The following WHRN variants were observed in gnomAD, a reference collection of about 807,000 sequenced individuals.
WHRN encodes whirlin, also known as CASK-interacting protein CIP98.
In WHRN, 41 loss-of-function variants were observed where a neutral mutation model predicts 68.3. The ratio of observed to expected loss-of-function variants is 0.60; its 90% CI spans 0.47 to 0.78. The LOEUF (loss-of-function observed/expected upper bound fraction) is 0.78, where lower values mean the gene tolerates loss of function less well. Ranked by LOEUF, WHRN falls within the 30% of genes least tolerant of loss-of-function variation. The probability of loss-of-function intolerance (pLI) is 0.00; values close to 1 mark genes in which losing one functional copy is unlikely to be tolerated. For synonymous variants in WHRN, 560 were observed against 561.3 expected, an observed-to-expected ratio of 1.00 and a Z score of 0.03; for missense variants, 1,243 against 1,244.7, an observed-to-expected ratio of 1.00 and a Z score of 0.02.
At chr9:114,479,089 C>T (rs902648357) in intron 1 of WHRN, among the ~76,000 whole-genome samples, 7 of 152,306 alleles carry the variant, frequency 4.6e-5, no homozygotes, top group East Asian at 1.9e-4. Context: ...GCTGGCATCT[C>T]GGAACTTGGA....
At chr9:114,466,971 G>A (rs774389496) in intron 2 of WHRN, among the ~76,000 whole-genome samples, 162 of 150,358 alleles carry the variant, frequency 1.1e-3, no homozygotes, top group Non-Finnish European at 2.1e-3. Context: ...GTCTCCCCAA[G>A]GGTCTCCTGC....
chr9:114,432,361 A>G (rs1162777568), intron 3 of WHRN, among the ~76,000 whole-genome samples: 1 of 152,236 alleles, frequency 6.6e-6, no homozygotes. Flanking sequence ...AACAGCGGAA[A>G]CACTCAGTGG....
chr9:114,433,911 G>A (rs1428802360), intron 3 of WHRN, among the ~76,000 whole-genome samples: 1 of 152,160 alleles, frequency 6.6e-6, no homozygotes, highest in Non-Finnish European at 1.5e-5. Flanking sequence ...TCTGACATTG[G>A]CAGATCCGTT....
At chr9:114,426,180 C>G (rs1454062021) in intron 4 of WHRN, 31 bp downstream of exon 4, 1 of 1,611,552 alleles carries the variant, frequency 6.2e-7, no homozygotes, top group Admixed American at 1.7e-5. Flanking sequence ...GCCCTGGGGT[C>G]TGGAGATTGG....
At chr9:114,464,515 T>C (rs991734995) in intron 3 of WHRN, among the ~76,000 whole-genome samples, 1 of 152,120 alleles carries the variant, frequency 6.6e-6, no homozygotes, top group Non-Finnish European at 1.5e-5. Context: ...AGGGCACTAA[T>C]CCCATTCGTG....
intron 3 of WHRN, among the ~76,000 whole-genome samples, chr9:114,458,392 A>G (rs1256722534): frequency 6.6e-6 from 1 of 152,208 alleles, no homozygotes; most frequent in Non-Finnish European, 1.5e-5. Flanking sequence ...AAGCACAAAA[A>G]TGTAGCAAAT....
At chr9:114,404,979 G>C (rs4979380) in intron 9 of WHRN, among the ~76,000 whole-genome samples, 63,000 of 151,684 alleles carry the variant, frequency 0.42, 14,156 homozygotes, top group Middle Eastern at 0.52. Context: ...ACTCAGCTCA[G>C]GCAGGGGCCA....
intron 2 of WHRN, among the ~76,000 whole-genome samples, chr9:114,467,285 G>A (rs946565339): frequency 4.6e-5 from 7 of 152,152 alleles, no homozygotes; most frequent in African/African-American, 7.2e-5. Context: ...CAGTCCCGGT[G>A]CTGGGGCTTG....
At chr9:114,499,688 C>T (rs2133414124) in intron 1 of WHRN, among the ~76,000 whole-genome samples, 2 of 152,346 alleles carry the variant, frequency 1.3e-5, no homozygotes, top group East Asian at 3.9e-4. Flanking sequence ...GAGCGAGGGG[C>T]TGCAGGCACT....
At chr9:114,409,313 G>T (rs1356737175) in intron 7 of WHRN, among the ~76,000 whole-genome samples, 2 of 152,190 alleles carry the variant, frequency 1.3e-5, no homozygotes, top group Non-Finnish European at 2.9e-5. Context: ...ACAAGCAACA[G>T]GGAGACTGCA....
rs1055460893 is a variant in WHRN, at chr9:114,424,980, T to C, written c.1203+8A>G. On this transcript the variant is annotated splice_region_variant and intron_variant, in intron 5 of 11. Coordinates refer to ENST00000362057, the MANE Select transcript of WHRN (RefSeq NM_015404.4). ...GAAGCAGAGAATACCCCTTAGAGGA[T>C]GTCCTACCTTGTTTATTCCTTCTGT... 2 of 1,613,928 alleles carry C rather than the reference T, an allele frequency of 1.2e-6. No homozygotes were observed. Among genetic ancestry groups the C allele is most frequent in the African/African-American group, 1.3e-5 (1 of 74,926 alleles).
At chr9:114,441,402 G>T (rs1484791742) in intron 3 of WHRN, among the ~76,000 whole-genome samples, 1 of 152,168 alleles carries the variant, frequency 6.6e-6, no homozygotes, top group East Asian at 1.9e-4. Flanking sequence ...TAAAAGCCCT[G>T]TTAGTAATGA....
At position 114,452,478 on chromosome 9, in the gene WHRN, C is replaced by T. The variant is rs567755298; in HGVS notation, c.963+13789G>A. 2.0e-5 allele frequency among the ~76,000 whole-genome samples: 3 copies of T among 152,344 alleles called. No individual in the cohort carries two copies. The South Asian group carries it at 6.2e-4, about 32-fold the overall frequency. The stretch of plus-strand genomic sequence containing the variant: ...AATTGTTCTTGTCTTGAAGAAGTGA[C>T]TGTGGAGAAGGCAGGCCCTGAGCCA... On this transcript the variant is annotated intron_variant, in intron 3 of 11. Transcript: ENST00000362057.
At position 114,504,778 on chromosome 9, in the gene WHRN, C is replaced by T; in HGVS notation, c.24G>A (p.Leu8=). ...AGCCGGTGGAGGACGAGCTCACCGA[C>T]AGGCCGTCCAGCGGCGCGTTCATCT... MNAPLDG[L]SVSSSSTGSL... Residue 8 remains leucine, a synonymous_variant, in exon 1 of 12, where the codon CTG becomes CTA. Coordinates refer to ENST00000362057, the MANE Select transcript of WHRN (RefSeq NM_015404.4). 3 of 1,476,098 alleles carry T rather than the reference C, an allele frequency of 2.0e-6. No individual in the cohort carries two copies. Among genetic ancestry groups the T allele is most frequent in the Non-Finnish European group, 2.7e-6 (3 of 1,126,108 alleles). 91.4% of individuals were successfully genotyped at this position (1,476,098 alleles called of 1,614,324 possible).
intron 3 of WHRN, among the ~76,000 whole-genome samples, chr9:114,428,660 C>G (rs1837107444): frequency 6.6e-6 from 1 of 152,152 alleles, no homozygotes; most frequent in African/African-American, 2.4e-5. Context: ...GTTTGGGGAC[C>G]ACGTGATATC....
chr9:114,491,031 T>C (rs1301561152), intron 1 of WHRN, among the ~76,000 whole-genome samples: 1 of 152,230 alleles, frequency 6.6e-6, no homozygotes, highest in Non-Finnish European at 1.5e-5. Flanking sequence ...AACAAGATTC[T>C]CAGAGTCATA....
At chr9:114,503,298 C>T (rs1435261324) in intron 1 of WHRN, 3 of 706,184 alleles carry the variant, frequency 4.2e-6, no homozygotes, top group East Asian at 1.3e-4. Context: ...TGTCCCTTTT[C>T]CCCCAAACTC....
chr9:114,459,579 A>G (rs900829181), intron 3 of WHRN, among the ~76,000 whole-genome samples: 8 of 152,206 alleles, frequency 5.3e-5, no homozygotes, highest in African/African-American at 1.9e-4. Flanking sequence ...AGTCCAGAGA[A>G]GGCAAGTGGG....
chr9:114,441,033 C>T (rs969925554), intron 3 of WHRN, among the ~76,000 whole-genome samples: 1 of 152,136 alleles, frequency 6.6e-6, no homozygotes, highest in Non-Finnish European at 1.5e-5. Flanking sequence ...CACTCGGGCA[C>T]CATTTCAGAC....
Sources: allele counts gnomAD v4.1 joint callset (sites outside exome capture counted in the v4.1 genomes callset), GRCh38; gene constraint gnomAD v4.1.1; transcripts MANE v1.5; gene names NCBI Gene and HGNC (gene_info 2026-07-23, HGNC 2026-07-21).